KIAA1328: variants seen among roughly 807,000 people sequenced by gnomAD.
KIAA1328 encodes the protein KIAA1328.
In KIAA1328, 52 loss-of-function variants were observed where a neutral mutation model predicts 68.1. The ratio of observed to expected loss-of-function variants is 0.76; its 90% confidence interval spans 0.61 to 0.96. The LOEUF (loss-of-function observed/expected upper bound fraction) is 0.96, where lower values mean the gene tolerates loss of function less well. Among genes scored for constraint, KIAA1328 ranks in the 40% least tolerant of loss-of-function variants. KIAA1328 has a pLI of 0.00. For missense variants in KIAA1328, 641 were observed against 677.6 expected (o/e 0.95, Z 0.60); for synonymous variants, 232 against 239.4 (o/e 0.97, Z 0.28).
intron 5 of KIAA1328, among the ~76,000 whole-genome samples, chr18:36,954,687 C>CTTTTTTTTTTTTTTTTTTTTTTT: frequency 8.3e-6 from 1 of 121,074 alleles, no homozygotes; most frequent in Non-Finnish European, 1.8e-5. Context: ...AAAGACTTCA[C>CTTTTTTTTTTTTTTTTTTTTTTT]TTTTTTTTTT....
At chr18:37,045,738 A>G (rs757167078) in intron 6 of KIAA1328, among the ~76,000 whole-genome samples, 3 of 152,092 alleles carry the variant, frequency 2.0e-5, no homozygotes, top group Non-Finnish European at 4.4e-5. Flanking sequence ...TTTTACATGT[A>G]CTGTTTGATG....
chr18:37,030,603 C>G (rs528428373), intron 6 of KIAA1328, among the ~76,000 whole-genome samples: 1 of 152,232 alleles, frequency 6.6e-6, no homozygotes, highest in South Asian at 2.1e-4. Context: ...AATCTTTAAT[C>G]TGCATGAAAA....
At chr18:37,141,761 C>G (rs1455627878) in intron 7 of KIAA1328, among the ~76,000 whole-genome samples, 1 of 152,154 alleles carries the variant, frequency 6.6e-6, no homozygotes, top group Non-Finnish European at 1.5e-5. Flanking sequence ...GGTATTATGA[C>G]TTTAATTTTA....
At chr18:37,120,237 G>A (rs569518706) in intron 7 of KIAA1328, among the ~76,000 whole-genome samples, 18 of 127,548 alleles carry the variant, frequency 1.4e-4, no homozygotes, top group African/African-American at 6.9e-4. Flanking sequence ...TCTAATGGTA[G>A]CTACAATACT....
Position 36,932,936 on chromosome 18 carries a change from G to A in KIAA1328, c.449-26372G>A, listed in dbSNP as rs533826346. Among the ~76,000 whole-genome samples, 24 of 152,212 alleles carry A rather than the reference G, an allele frequency of 1.6e-4. No individual in the cohort carries two copies. The East Asian group carries it at 2.3e-3, about 15-fold the overall frequency. On this transcript the variant is annotated intron_variant, in intron 5 of 9. Transcript: ENST00000280020. Reference sequence around the variant, plus strand: ...GATTTCAGGAAAGTTTACAATTAGCGGACACAAATACAAAAGGATGACGTT... The same window carrying A: ...GATTTCAGGAAAGTTTACAATTAGCAGACACAAATACAAAAGGATGACGTT...
At chr18:37,007,412 A>G (rs1370012402) in intron 6 of KIAA1328, among the ~76,000 whole-genome samples, 4 of 152,264 alleles carry the variant, frequency 2.6e-5, no homozygotes, top group African/African-American at 2.4e-5. Context: ...TGCTTATTTT[A>G]ATATCAGTAT....
At position 36,935,651 on chromosome 18, in the gene KIAA1328, C is replaced by T. The variant is rs372636530; in HGVS notation, c.449-23657C>T. 1.2e-4 allele frequency among the ~76,000 whole-genome samples: 19 copies of T among 152,084 alleles called. No individual in the cohort carries two copies. The East Asian group carries it at 2.1e-3, about 17-fold the overall frequency. On this transcript the variant is annotated intron_variant, in intron 5 of 9. Coordinates refer to ENST00000280020, the MANE Select transcript of KIAA1328 (RefSeq NM_020776.3). ...TTCATAGTATTCTTCATCATACAGA[C>T]GTATTTGTGAGAAACAGATTAGGAA...
In KIAA1328 at chr18:36,856,026, T is replaced by G. The variant is rs1223514088; in HGVS notation, c.332+11724T>G. On this transcript the variant is annotated intron_variant, in intron 4 of 9. Transcript: ENST00000280020. ...TATGTCATTCTGCCACTTCCAGCCT[T>G]CATGGTTTCTCATTAGGAATTGACT... Among the ~76,000 whole-genome samples, 3 of 152,112 alleles carry G rather than the reference T, an allele frequency of 2.0e-5. No homozygotes were observed. In the East Asian group the frequency reaches 5.8e-4, roughly 29 times the overall value.
At chr18:36,915,005 C>T (rs1310533595) in intron 5 of KIAA1328, among the ~76,000 whole-genome samples, 1 of 152,168 alleles carries the variant, frequency 6.6e-6, no homozygotes, top group Non-Finnish European at 1.5e-5. Context: ...AATCAAAATC[C>T]TAGCAAGATT....
chr18:37,201,688 G>T (rs2060117469), intron 9 of KIAA1328, among the ~76,000 whole-genome samples: 1 of 152,136 alleles, frequency 6.6e-6, no homozygotes, highest in East Asian at 1.9e-4. Context: ...ACCTCTCAAG[G>T]CTAAGAAGCA....
At chr18:37,063,489 A>G (rs1178934944) in intron 6 of KIAA1328, 1 of 220,398 alleles carries the variant, frequency 4.5e-6, no homozygotes, top group Non-Finnish European at 7.7e-6. Flanking sequence ...ATGTAATATA[A>G]TCTCAGGATT....
intron 8 of KIAA1328, among the ~76,000 whole-genome samples, chr18:37,165,765 G>A (rs2059377271): frequency 6.6e-6 from 1 of 151,690 alleles, no homozygotes; most frequent in Non-Finnish European, 1.5e-5. Context: ...CTAATTTTTT[G>A]TATTTTTAGT....
intron 1 of KIAA1328, among the ~76,000 whole-genome samples, chr18:36,831,597 T>C (rs2046494470): frequency 6.6e-6 from 1 of 152,220 alleles, no homozygotes. Flanking sequence ...GGACTTGATA[T>C]TAAAAAATAT....
intron 7 of KIAA1328, among the ~76,000 whole-genome samples, chr18:37,092,558 T>C (rs2057295861): frequency 6.6e-6 from 1 of 152,026 alleles, no homozygotes; most frequent in African/African-American, 2.4e-5. Flanking sequence ...TCTCTTTGCC[T>C]ACTGCCACCT....
chr18:36,939,936 T>C (rs2050643276), intron 5 of KIAA1328, among the ~76,000 whole-genome samples: 1 of 152,172 alleles, frequency 6.6e-6, no homozygotes, highest in African/African-American at 2.4e-5. Flanking sequence ...TATATGTCTT[T>C]TTAGGAATTA....
At chr18:37,105,283 G>A (rs976253959) in intron 7 of KIAA1328, among the ~76,000 whole-genome samples, 15 of 152,018 alleles carry the variant, frequency 9.9e-5, no homozygotes, top group Non-Finnish European at 1.5e-4. Context: ...CATGAGGATT[G>A]CTTGAGTCCA....
At chr18:36,969,463 C>T (rs1247974944) in intron 6 of KIAA1328, among the ~76,000 whole-genome samples, 1 of 152,148 alleles carries the variant, frequency 6.6e-6, no homozygotes, top group Non-Finnish European at 1.5e-5. Context: ...AATATTATCA[C>T]TGACCCCACA....
At chr18:36,909,770 A>G (rs542131597) in intron 5 of KIAA1328, among the ~76,000 whole-genome samples, 3 of 152,264 alleles carry the variant, frequency 2.0e-5, no homozygotes, top group South Asian at 2.1e-4. Context: ...AAGTGTTCCT[A>G]TTTCTTCACA....
At chr18:37,063,688 G>A (rs923606236) in intron 6 of KIAA1328, 3 of 984,908 alleles carry the variant, frequency 3.0e-6, no homozygotes, top group Non-Finnish European at 3.6e-6. Context: ...TCATTAAGCT[G>A]TACTACCTCT....
Sources: allele counts gnomAD v4.1 joint callset (sites outside exome capture counted in the v4.1 genomes callset), GRCh38; gene constraint gnomAD v4.1.1; transcripts MANE v1.5; gene names NCBI Gene and HGNC (gene_info 2026-07-23, HGNC 2026-07-21).